SCMH1: variants seen among roughly 807,000 people sequenced by gnomAD.
SCMH1 encodes polycomb protein SCMH1.
In SCMH1, 37 loss-of-function variants were observed where a neutral mutation model predicts 70.8. That is an observed-to-expected ratio of 0.52 (90% CI 0.40 to 0.69). The LOEUF (loss-of-function observed/expected upper bound fraction) is 0.69, where lower values mean the gene tolerates loss of function less well. Ranked by LOEUF, SCMH1 falls within the 30% of genes least tolerant of loss-of-function variation. SCMH1 has a pLI of 0.00. For synonymous variants in SCMH1, 292 were observed against 307.4 expected (o/e 0.95, Z 0.52); for missense variants, 607 against 827.3 (o/e 0.73, Z 3.27).
Position 41,143,151 on chromosome 1 carries a change from G to A in SCMH1, c.178-39C>T, listed in dbSNP as rs755501911. On this transcript the variant is annotated intron_variant, in intron 5 of 14. Transcript: ENST00000337495. ...GGCATGAGGTATAGACAGATTAAGA[G>A]TAAAACCCCAAAATTCATGTTTTGG... The A allele has an allele frequency of 2.6e-6, 4 of 1,516,430 alleles. No individual in the cohort carries two copies. The South Asian group carries it at 4.6e-5, about 17-fold the overall frequency. 93.9% of individuals were successfully genotyped at this position (1,516,430 alleles called of 1,614,324 possible). A position where few individuals can be genotyped will look rare whatever the true frequency, so the allele number is the denominator to read the frequency against.
At chr1:41,208,444 A>AG (rs1553178515) in intron 1 of SCMH1, among the ~76,000 whole-genome samples, 1 of 146,096 alleles carries the variant, frequency 6.8e-6, no homozygotes, top group African/African-American at 2.4e-5. Flanking sequence ...TTAAAAAAAA[A>AG]AAATAAAAAA....
intron 8 of SCMH1, among the ~76,000 whole-genome samples, chr1:41,106,450 C>T (rs1667950876): frequency 6.6e-6 from 1 of 151,776 alleles, no homozygotes; most frequent in Non-Finnish European, 1.5e-5. Context: ...CTATGCAGCA[C>T]CGTGTTTATA....
At chr1:41,203,121 T>C (rs1184192579) in intron 1 of SCMH1, among the ~76,000 whole-genome samples, 1 of 152,050 alleles carries the variant, frequency 6.6e-6, no homozygotes, top group Non-Finnish European at 1.5e-5. Context: ...AAATCATTAA[T>C]GAAAATACAT....
At chr1:41,178,124 T>C (rs1257225833) in intron 2 of SCMH1, among the ~76,000 whole-genome samples, 1 of 152,334 alleles carries the variant, frequency 6.6e-6, no homozygotes, top group East Asian at 1.9e-4. Context: ...CAGAATTTCA[T>C]ATCCAGCCAA....
chr1:41,032,531 G>C (rs1314683576), intron 13 of SCMH1, among the ~76,000 whole-genome samples: 1 of 152,170 alleles, frequency 6.6e-6, no homozygotes, highest in Admixed American at 6.5e-5. Context: ...AGATAACAGA[G>C]GACCCTGTAC....
intron 1 of SCMH1, among the ~76,000 whole-genome samples, chr1:41,240,746 CT>C (rs200850811): frequency 0.26 from 35,633 of 137,910 alleles, 4,832 homozygotes; most frequent in Middle Eastern, 0.43. Context: ...TAAATGTTTT[CT>C]TTTTTTTTTT....
chr1:41,090,856 G>A (rs977644012), intron 8 of SCMH1, among the ~76,000 whole-genome samples: 2 of 151,880 alleles, frequency 1.3e-5, no homozygotes, highest in Non-Finnish European at 2.9e-5. Flanking sequence ...TGGCTAACAC[G>A]GTGAAACCCC....
At chr1:41,135,605 A>G (rs1194776786) in intron 6 of SCMH1, among the ~76,000 whole-genome samples, 1 of 152,174 alleles carries the variant, frequency 6.6e-6, no homozygotes, top group Admixed American at 6.5e-5. Context: ...TCTTCCCTTT[A>G]TAATTACCCA....
chr1:41,079,458 G>A (rs1215548402), intron 8 of SCMH1, among the ~76,000 whole-genome samples: 1 of 152,040 alleles, frequency 6.6e-6, no homozygotes, highest in Non-Finnish European at 1.5e-5. Context: ...TGAAAATAAT[G>A]TACTCTATAA....
chr1:41,136,281 T>C (rs1404524330), intron 6 of SCMH1, among the ~76,000 whole-genome samples: 2 of 152,202 alleles, frequency 1.3e-5, no homozygotes, highest in Non-Finnish European at 2.9e-5. Flanking sequence ...TGTAATGCTA[T>C]TGAAGTTAAT....
chr1:41,240,191 G>T (rs921729710), intron 1 of SCMH1, among the ~76,000 whole-genome samples: 4 of 152,218 alleles, frequency 2.6e-5, no homozygotes, highest in African/African-American at 4.8e-5. Flanking sequence ...TTTAAAAAAT[G>T]AAGGCTTAAG....
intron 1 of SCMH1, among the ~76,000 whole-genome samples, chr1:41,209,269 T>G (rs1001401704): frequency 6.6e-6 from 1 of 152,114 alleles, no homozygotes; most frequent in African/African-American, 2.4e-5. Context: ...GGATTCACAG[T>G]TGAACTCTAC....
chr1:41,182,483 A>G (rs1649074056), intron 2 of SCMH1, among the ~76,000 whole-genome samples: 1 of 152,226 alleles, frequency 6.6e-6, no homozygotes, highest in South Asian at 2.1e-4. Context: ...TTGGGAGGCC[A>G]AGGCAGGAAG....
At chr1:41,114,854 T>G (rs977479621) in intron 7 of SCMH1, among the ~76,000 whole-genome samples, 2 of 151,884 alleles carry the variant, frequency 1.3e-5, no homozygotes, top group Non-Finnish European at 2.9e-5. Context: ...TTTTTGTTAT[T>G]TTTTGTAGAG....
intron 10 of SCMH1, among the ~76,000 whole-genome samples, chr1:41,056,053 T>C (rs1055667797): frequency 2.0e-5 from 3 of 152,244 alleles, no homozygotes; most frequent in Non-Finnish European, 2.9e-5. Context: ...AGGTGGGGTC[T>C]ACTCCTCTCC....
At chr1:41,185,676 C>T (rs1358212575) in intron 2 of SCMH1, among the ~76,000 whole-genome samples, 4 of 145,752 alleles carry the variant, frequency 2.7e-5, no homozygotes, top group East Asian at 2.0e-4. Flanking sequence ...GCTCTTGTTG[C>T]CCAGGCTGGA....
intron 5 of SCMH1, among the ~76,000 whole-genome samples, chr1:41,143,682 A>G (rs1352514223): frequency 6.6e-6 from 1 of 152,236 alleles, no homozygotes; most frequent in Non-Finnish European, 1.5e-5. Flanking sequence ...TATCACCACG[A>G]TAAAAATAAT....
intron 1 of SCMH1, among the ~76,000 whole-genome samples, chr1:41,202,077 TG>T (rs1252578522): frequency 6.6e-6 from 1 of 152,188 alleles, no homozygotes; most frequent in Non-Finnish European, 1.5e-5. Flanking sequence ...GAGTCACTCT[TG>T]TTGGCCAGGC....
At chr1:41,145,779 T>A (rs1644496023) in intron 5 of SCMH1, among the ~76,000 whole-genome samples, 2 of 152,226 alleles carry the variant, frequency 1.3e-5, no homozygotes, top group African/African-American at 4.8e-5. Context: ...ATCCTAGTTA[T>A]AATGCAGCTG....
Sources: allele counts gnomAD v4.1 joint callset (sites outside exome capture counted in the v4.1 genomes callset), GRCh38; gene constraint gnomAD v4.1.1; transcripts MANE v1.5; gene names NCBI Gene and HGNC (gene_info 2026-07-23, HGNC 2026-07-21).